The following HHLA1 variants were observed in gnomAD, a reference collection of about 807,000 sequenced individuals.
The protein encoded by HHLA1 is HHLA1 neighbor of OC90, also known as HERV-H LTR-associating protein 1.
A neutral mutation model predicts 69.9 loss-of-function variants in HHLA1; 72 were observed. The ratio of observed to expected loss-of-function variants is 1.03; its 90% CI spans 0.85 to 1.25. The LOEUF is 1.25. Among genes scored for constraint, HHLA1 ranks in the 50% most tolerant of loss-of-function variants. The pLI is 0.00. For missense variants in HHLA1, 685 were observed against 642.2 expected (o/e 1.07, Z -0.72); for synonymous variants, 252 against 233.2 (o/e 1.08, Z -0.73).
At chr8:132,077,167 T>A (rs751821894) in intron 12 of HHLA1, among the ~76,000 whole-genome samples, 2 of 152,080 alleles carry the variant, frequency 1.3e-5, no homozygotes, top group African/African-American at 4.8e-5. Flanking sequence ...GAGGTGAGGC[T>A]GAGAAACAGC....
chr8:132,087,927 A>C, intron 8 of HHLA1, 26 bp from the exon 9 acceptor site: 1 of 1,521,454 alleles, frequency 6.6e-7, no homozygotes, highest in Non-Finnish European at 8.9e-7. Context: ...GTATACAATA[A>C]GACTTAGCCA....
intron 4 of HHLA1, 39 bp downstream of exon 4, chr8:132,100,036 A>G (rs771449610): frequency 1.6e-5 from 25 of 1,519,416 alleles, no homozygotes; most frequent in Non-Finnish European, 2.0e-5. Context: ...TTGCTCTGCA[A>G]CCCAGACAAC....
chr8:132,085,286 TGAAAG>T (rs1181954683), intron 10 of HHLA1: 3 of 172,656 alleles, frequency 1.7e-5, no homozygotes, highest in Non-Finnish European at 3.7e-5. Flanking sequence ...TACCAGAAAA[TGAAAG>T]GAATTGAAAT....
chr8:132,100,208 G>T, intron 3 of HHLA1, 74 bp from the exon 4 acceptor site: 1 of 1,150,840 alleles, frequency 8.7e-7, no homozygotes, highest in South Asian at 1.3e-5. Flanking sequence ...AAGAAGCCTT[G>T]GAAGCCTCTT....
intron 7 of HHLA1, among the ~76,000 whole-genome samples, chr8:132,092,850 G>T (rs1823966759): frequency 6.6e-6 from 1 of 152,130 alleles, no homozygotes; most frequent in Non-Finnish European, 1.5e-5. Flanking sequence ...GAATGTGCTG[G>T]CAACCTACCT....
chr8:132,071,173 G>A (rs1173541244), intron 15 of HHLA1, among the ~76,000 whole-genome samples, 167 bp downstream of exon 15: 2 of 152,202 alleles, frequency 1.3e-5, no homozygotes, highest in Non-Finnish European at 2.9e-5. Context: ...TCAAGGATGT[G>A]ACTGTCTAGT....
At chr8:132,066,123 G>C (rs1433089620) in intron 15 of HHLA1, among the ~76,000 whole-genome samples, 155 bp from the exon 16 acceptor site, 1 of 152,134 alleles carries the variant, frequency 6.6e-6, no homozygotes, top group African/African-American at 2.4e-5. Context: ...TGTCAGAGGA[G>C]AGATAGGAAA....
intron 1 of HHLA1, among the ~76,000 whole-genome samples, chr8:132,108,042 T>C (rs1824234618): frequency 6.6e-6 from 1 of 152,164 alleles, no homozygotes; most frequent in African/African-American, 2.4e-5. Flanking sequence ...TTACTTAACC[T>C]TCACTCAGTC....
Position 132,090,059 on chromosome 8 carries a change from T to G in HHLA1, c.449-460A>C, listed in dbSNP as rs112582268. Among the ~76,000 whole-genome samples the G allele has an allele frequency of 4.4e-3, 671 of 152,338 alleles. 3 individuals are homozygous for G. The highest frequency in any genetic ancestry group is 0.016 in the African/African-American group (647 of 41,576). ...GAATTTAGTGGTGAGTTATAAACTA[T>G]GAACAATAGAGACAAGACAAGACAC... On this transcript the variant is annotated intron_variant, in intron 7 of 16. Coordinates refer to ENST00000414222, the MANE Select transcript of HHLA1 (RefSeq NM_001145095.3).
rs982149839 is a variant in HHLA1, at chr8:132,105,270, G to A, written c.-5C>T. 2 of 1,551,602 alleles carry A rather than the reference G, an allele frequency of 1.3e-6. No homozygotes were observed. Among genetic ancestry groups the A allele is most frequent in the African/African-American group, 2.7e-5 (2 of 73,042 alleles). The stretch of plus-strand genomic sequence containing the variant: ...ACGTGACAGGAAGCCCAGCATGCTT[G>A]TGATACTCTGGCCCACCTGGAATGA... On this transcript the variant is annotated 5_prime_UTR_variant, in exon 2 of 17. Coordinates refer to ENST00000414222, the MANE Select transcript of HHLA1 (RefSeq NM_001145095.3).
chr8:132,087,478 C>G (rs1395466993), intron 10 of HHLA1, among the ~76,000 whole-genome samples, 175 bp downstream of exon 10: 1 of 152,076 alleles, frequency 6.6e-6, no homozygotes, highest in Non-Finnish European at 1.5e-5. Flanking sequence ...TCTAGAATTG[C>G]CAGACCTTTT....
rs118152318 is a variant in HHLA1 at position 132,108,188 on chromosome 8, G to T, written c.-21-2902C>A. 9.9e-3 allele frequency among the ~76,000 whole-genome samples: 1,503 copies of T among 152,272 alleles called. 23 individuals are homozygous for T. Among genetic ancestry groups the T allele is most frequent in the Admixed American group, 0.042 (639 of 15,296 alleles). On this transcript the variant is annotated intron_variant, in intron 1 of 16. Transcript: ENST00000414222. ...TGTGCCTCACCCAAGACTGTCCTGA[G>T]GATTAAAATATGTTACATTTGTAGA... is the stretch of plus-strand genomic sequence containing the variant.
rs560259621 is a variant in HHLA1 at position 132,108,838 on chromosome 8, C to T, written c.-22+2264G>A. 1.4e-4 allele frequency among the ~76,000 whole-genome samples: 22 copies of T among 152,214 alleles called. No homozygotes were observed. The South Asian group carries it at 4.1e-3, about 29-fold the overall frequency. ...GGCACACAAACCTCACAAAAATAAA[C>T]CTTAGCATCCATTGGTTTCCCCATA... On this transcript the variant is annotated intron_variant, in intron 1 of 16. Transcript: ENST00000414222.
chr8:132,081,950 G>A (rs1028331381), intron 10 of HHLA1, among the ~76,000 whole-genome samples: 2 of 152,188 alleles, frequency 1.3e-5, no homozygotes, highest in African/African-American at 4.8e-5. Context: ...CTTTGCTGGT[G>A]TGTGGCGATT....
chr8:132,061,946 T>A lies in HHLA1; in HGVS notation c.*2049A>T, dbSNP rs143137278. ...GATTATAGTCATGCTCAGTCATTAT[T>A]CCCAAAGTATGGGGTAACTGGGTTC... On this transcript the variant is annotated 3_prime_UTR_variant, in exon 17 of 17. Coordinates refer to ENST00000414222, the MANE Select transcript of HHLA1 (RefSeq NM_001145095.3). 2.6e-5 allele frequency: 4 copies of A among 152,210 alleles called. No individual in the cohort carries two copies. Among genetic ancestry groups the A allele is most frequent in the African/African-American group, 9.6e-5 (4 of 41,464 alleles). 9.4% of individuals were successfully genotyped at this position (152,210 alleles called of 1,614,324 possible).
chr8:132,099,496 A>C (rs925707168), intron 4 of HHLA1, among the ~76,000 whole-genome samples: 3 of 152,224 alleles, frequency 2.0e-5, no homozygotes, highest in African/African-American at 7.2e-5. Context: ...TCCCAGGTGT[A>C]GCAGGAGTGG....
chr8:132,100,765 G>T (rs556038737), intron 3 of HHLA1, among the ~76,000 whole-genome samples: 1 of 152,214 alleles, frequency 6.6e-6, no homozygotes, highest in Non-Finnish European at 1.5e-5. Flanking sequence ...CGTGACAAGA[G>T]AGGAGTGTCA....
chr8:132,070,187 G>A (rs1376901770), intron 15 of HHLA1: 1 of 609,080 alleles, frequency 1.6e-6, no homozygotes, highest in Non-Finnish European at 2.9e-6. Flanking sequence ...ACTGGAGCAG[G>A]AGTATTCATC....
rs1236949110 is a variant in HHLA1 at position 132,098,960 on chromosome 8, G to C, written c.202C>G (p.Leu68Val). The C allele has an allele frequency of 1.3e-6, 2 of 1,545,824 alleles. No individual in the cohort carries two copies. Among genetic ancestry groups the C allele is most frequent in the Non-Finnish European group, 1.7e-6 (2 of 1,144,164 alleles). Residue 68 changes from leucine to valine, a missense_variant and splice_region_variant, in exon 5 of 17, where the codon CTG becomes GTG. By Grantham distance (32) the Leu-to-Val change is conservative (BLOSUM62 1). Transcript: ENST00000414222. ...GACAGATCGATTGACCTTGCGGGCA[G>C]CTCTGAAAGAGATTCAGAGATAATG... Reference protein sequence around the residue: ...KGVAFLATTELPARSIDLSAL... With the variant: ...KGVAFLATTEVPARSIDLSAL...
Sources: allele counts gnomAD v4.1 joint callset (sites outside exome capture counted in the v4.1 genomes callset), GRCh38; gene constraint gnomAD v4.1.1; transcripts MANE v1.5; gene names NCBI Gene and HGNC (gene_info 2026-07-23, HGNC 2026-07-21).